Variants in SLIT3 observed in about 807,000 individuals in gnomAD.
The protein encoded by SLIT3 is slit guidance ligand 3.
SLIT3 carries 68 observed loss-of-function variants against 184.0 expected under a neutral mutation model. That is an observed-to-expected ratio of 0.37 (90% confidence interval 0.30 to 0.45). The LOEUF is 0.45. Among genes scored for constraint, SLIT3 ranks in the 20% least tolerant of loss-of-function variants. The pLI is 1.00. For synonymous variants in SLIT3, 831 were observed against 828.6 expected, an observed-to-expected ratio of 1.00 and a Z score of -0.05; for missense variants, 1,707 against 2,026.0, an observed-to-expected ratio of 0.84 and a Z score of 3.02.
At chr5:169,219,320 T>C (rs1033656987) in intron 3 of SLIT3, among the ~76,000 whole-genome samples, 18 of 152,250 alleles carry the variant, frequency 1.2e-4, no homozygotes, top group Non-Finnish European at 2.5e-4. Context: ...GTGCTATAAG[T>C]ACATTGTAGG....
intron 4 of SLIT3, among the ~76,000 whole-genome samples, chr5:169,167,048 T>C (rs767976811): frequency 7.9e-5 from 12 of 151,944 alleles, no homozygotes; most frequent in Non-Finnish European, 1.6e-4. Flanking sequence ...TGTACACCTA[T>C]AGTCCTAGCT....
intron 4 of SLIT3, among the ~76,000 whole-genome samples, chr5:168,897,653 C>CGT (rs1760724380): frequency 1.6e-5 from 2 of 121,672 alleles, no homozygotes; most frequent in Non-Finnish European, 1.9e-5. Context: ...CACGTACACA[C>CGT]ACACACACAC....
intron 4 of SLIT3, among the ~76,000 whole-genome samples, chr5:169,133,421 T>A (rs76271405): frequency 0.02 from 3,119 of 152,350 alleles, 60 homozygotes; most frequent in Non-Finnish European, 0.031. Flanking sequence ...GCCGTTGAGC[T>A]GTGTCATCTA....
chr5:169,154,165 G>C (rs923787051), intron 4 of SLIT3, among the ~76,000 whole-genome samples: 3 of 151,974 alleles, frequency 2.0e-5, no homozygotes, highest in Non-Finnish European at 4.4e-5. Flanking sequence ...GTAGAGACGG[G>C]GTTTCACCGT....
intron 4 of SLIT3, among the ~76,000 whole-genome samples, chr5:169,160,148 C>T (rs543569672): frequency 2.0e-5 from 3 of 152,366 alleles, no homozygotes; most frequent in Admixed American, 2.0e-4. Context: ...TTAATCCTCA[C>T]TGATCCCAAA....
At chr5:168,763,355 T>C (rs1426159961) in intron 14 of SLIT3, among the ~76,000 whole-genome samples, 1 of 152,168 alleles carries the variant, frequency 6.6e-6, no homozygotes, top group Non-Finnish European at 1.5e-5. Flanking sequence ...GGCTCAGGGT[T>C]GCCTGATGTT....
intron 3 of SLIT3, among the ~76,000 whole-genome samples, chr5:169,244,252 C>T (rs1376758417): frequency 1.3e-5 from 2 of 152,252 alleles, no homozygotes; most frequent in Non-Finnish European, 2.9e-5. Context: ...CCAGTCCTTC[C>T]TCTCCCCGCA....
At chr5:169,037,179 A>G (rs1757284793) in intron 4 of SLIT3, among the ~76,000 whole-genome samples, 2 of 152,206 alleles carry the variant, frequency 1.3e-5, no homozygotes, top group Non-Finnish European at 2.9e-5. Flanking sequence ...TCAACAACTA[A>G]TACTCCTGTG....
intron 5 of SLIT3, among the ~76,000 whole-genome samples, chr5:168,854,964 C>T (rs140815562): frequency 4.8e-4 from 73 of 152,332 alleles, no homozygotes; most frequent in African/African-American, 1.6e-3. Context: ...TAGCTGCTTT[C>T]GATCTAGCTA....
chr5:168,929,322 G>A (rs1761919751), intron 4 of SLIT3, among the ~76,000 whole-genome samples: 1 of 152,224 alleles, frequency 6.6e-6, no homozygotes, highest in Non-Finnish European at 1.5e-5. Flanking sequence ...AACATTTACT[G>A]AGGACTTAAC....
chr5:169,030,061 A>G (rs967071081), intron 4 of SLIT3, among the ~76,000 whole-genome samples: 9 of 152,164 alleles, frequency 5.9e-5, no homozygotes, highest in African/African-American at 2.2e-4. Context: ...GGGTCCTGCC[A>G]GCCCCTTGGA....
rs762085322 is a variant in SLIT3, at chr5:168,687,063, T to C, written c.3230A>G (p.Asp1077Gly). 5.6e-6 allele frequency: 9 copies of C among 1,614,238 alleles called. No individual in the cohort carries two copies. In the East Asian group the frequency reaches 1.1e-4, roughly 20 times the overall value. ...SGKLCETDND[D>G]CVAHKCRHGA... is the part of the protein sequence containing the mutation. ...GTGGCGGCACTTGTGGGCCACACAGTCATCATTGTCTGTCTCACAGAGCTT... is the reference window on the plus strand; with the variant it reads ...GTGGCGGCACTTGTGGGCCACACAGCCATCATTGTCTGTCTCACAGAGCTT... The change falls in exon 30 of 36, where the codon GAC becomes GGC. Residue 1077 changes from aspartate to glycine, a missense_variant. By Grantham distance (94) the Asp-to-Gly change is moderately conservative (BLOSUM62 -1). Coordinates refer to ENST00000519560, the MANE Select transcript of SLIT3 (RefSeq NM_003062.4).
chr5:169,200,573 G>T (rs1347596039), intron 3 of SLIT3, among the ~76,000 whole-genome samples: 1 of 152,180 alleles, frequency 6.6e-6, no homozygotes, highest in East Asian at 1.9e-4. Flanking sequence ...CCGGGCAAGG[G>T]CAGAACCAAA....
intron 20 of SLIT3, among the ~76,000 whole-genome samples, chr5:168,741,027 A>G (rs1686698699): frequency 2.0e-5 from 3 of 152,118 alleles, no homozygotes; most frequent in Non-Finnish European, 4.4e-5. Context: ...TTGTACACAG[A>G]ACTTCCAGGG....
chr5:168,907,959 TATATATATATATATATATATAG>T (rs1562000066), intron 4 of SLIT3, among the ~76,000 whole-genome samples: 7,665 of 86,770 alleles, frequency 0.088, 207 homozygotes, highest in Middle Eastern at 0.12. Context: ...TATATATATA[TATATATATATATATATATATAG>T]AGAGAGAGAG....
intron 4 of SLIT3, among the ~76,000 whole-genome samples, chr5:169,122,926 A>G (rs1360446279): frequency 1.3e-5 from 2 of 152,208 alleles, no homozygotes; most frequent in Non-Finnish European, 2.9e-5. Context: ...TAGTTCTAAA[A>G]TCTAGGCCTG....
At chr5:169,112,858 G>A (rs1441016851) in intron 4 of SLIT3, among the ~76,000 whole-genome samples, 1 of 152,042 alleles carries the variant, frequency 6.6e-6, no homozygotes, top group Non-Finnish European at 1.5e-5. Context: ...CTGTTGGGCG[G>A]CCCTTCTCCC....
intron 4 of SLIT3, chr5:169,012,049 T>C (rs887446880): frequency 6.6e-6 from 1 of 152,088 alleles, no homozygotes; most frequent in Non-Finnish European, 1.5e-5. Flanking sequence ...TTATTTATTA[T>C]CTACTAAATA....
At chr5:168,889,150 A>G (rs924636634) in intron 4 of SLIT3, among the ~76,000 whole-genome samples, 1 of 152,232 alleles carries the variant, frequency 6.6e-6, no homozygotes, top group Non-Finnish European at 1.5e-5. Flanking sequence ...AACATGCAGG[A>G]AAAATTATCC....
Sources: allele counts gnomAD v4.1 joint callset (sites outside exome capture counted in the v4.1 genomes callset), GRCh38; gene constraint gnomAD v4.1.1; transcripts MANE v1.5; gene names NCBI Gene and HGNC (gene_info 2026-07-23, HGNC 2026-07-21).